DHX29: variants seen among roughly 807,000 people sequenced by gnomAD.
The protein encoded by DHX29 is ATP-dependent RNA helicase DHX29.
In DHX29, 79 loss-of-function variants were observed where a neutral mutation model predicts 167.9. That is an observed-to-expected ratio of 0.47 (90% confidence interval 0.39 to 0.57). DHX29 has a LOEUF of 0.57. Ranked by LOEUF, DHX29 falls within the 20% of genes least tolerant of loss-of-function variation. The pLI, the probability that DHX29 is intolerant of heterozygous loss-of-function variation, is 0.00. For synonymous variants in DHX29, 530 were observed against 546.0 expected (o/e 0.97, Z 0.41); for missense variants, 1,347 against 1,593.4 (o/e 0.85, Z 2.63).
At chr5:55,301,530 A>C (rs1186766862) in intron 1 of DHX29, among the ~76,000 whole-genome samples, 5 of 151,888 alleles carry the variant, frequency 3.3e-5, no homozygotes, top group Non-Finnish European at 7.4e-5. Context: ...CCTGACCAAC[A>C]TGGAGAAACC....
rs1747913165 is a variant in DHX29 at position 55,289,337 on chromosome 5, T to A, written c.999A>T (p.Thr333=). 6.2e-7 allele frequency: 1 copy of A among 1,601,482 alleles called. No homozygotes were observed. The highest frequency in any genetic ancestry group is 8.5e-7 in the Non-Finnish European group (1 of 1,175,978). Residue 333 remains threonine, a synonymous_variant, in exon 8 of 27, where the codon ACA becomes ACT. Coordinates refer to ENST00000251636, the MANE Select transcript of DHX29 (RefSeq NM_019030.4). ...QNERKKPPVA[T]EGESALNFNL... is the part of the protein sequence containing the mutation. ...TAAAATTCAATGCACTTTCTCCTTC[T>A]GTGGCTACAGGAGGCTTTTTCCTTT...
At chr5:55,305,239 T>A (rs1462780229) in intron 1 of DHX29, among the ~76,000 whole-genome samples, 2 of 152,222 alleles carry the variant, frequency 1.3e-5, no homozygotes, top group Non-Finnish European at 2.9e-5. Flanking sequence ...ATACGTCAGT[T>A]GTGAATAGCA....
chr5:55,299,142 C>T lies in DHX29; in HGVS notation c.188-478G>A, dbSNP rs929859471. Among the ~76,000 whole-genome samples the T allele has an allele frequency of 4.6e-5, 7 of 151,928 alleles. No individual in the cohort carries two copies. The East Asian group carries it at 1.3e-3, about 29-fold the overall frequency. On this transcript the variant is annotated intron_variant, in intron 1 of 26. Coordinates refer to ENST00000251636, the MANE Select transcript of DHX29 (RefSeq NM_019030.4). ...ACTCAATCTAGTAGCTAGCAATATC[C>T]TCTCTAAATTTTCAACATTTTACCA...
intron 24 of DHX29, among the ~76,000 whole-genome samples, chr5:55,261,821 A>AT (rs1427092721): frequency 2.6e-5 from 4 of 152,164 alleles, no homozygotes; most frequent in Non-Finnish European, 4.4e-5. Flanking sequence ...TAAAATTATG[A>AT]TTTTCAGTTG....
chr5:55,289,037 G>A lies in DHX29; in HGVS notation c.1066+233C>T, dbSNP rs1747894241. On this transcript the variant is annotated intron_variant, in intron 8 of 26. Coordinates refer to ENST00000251636, the MANE Select transcript of DHX29 (RefSeq NM_019030.4). Reference sequence around the variant, plus strand: ...AGAAAGATAACTCTGGCAGCAGTCTGGAGATGAATCAGAGAGAGATGAGAC... The same window carrying A: ...AGAAAGATAACTCTGGCAGCAGTCTAGAGATGAATCAGAGAGAGATGAGAC... Among the ~76,000 whole-genome samples, 4 of 152,282 alleles carry A rather than the reference G, an allele frequency of 2.6e-5. No individual in the cohort carries two copies. In the South Asian group the frequency reaches 8.3e-4, roughly 32 times the overall value.
intron 7 of DHX29, 140 bp from the exon 8 acceptor site, chr5:55,289,568 G>T: frequency 1.6e-6 from 1 of 614,420 alleles, no homozygotes; most frequent in Non-Finnish European, 2.4e-6. Context: ...AAAAAAAACT[G>T]CATTCCTTCT....
chr5:55,284,303 A>G (rs1391821267), intron 10 of DHX29, among the ~76,000 whole-genome samples: 1 of 152,236 alleles, frequency 6.6e-6, no homozygotes, highest in East Asian at 1.9e-4. Context: ...ATGAACCACA[A>G]AGCAGTTCTT....
intron 20 of DHX29, 145 bp from the exon 21 acceptor site, chr5:55,269,782 T>C: frequency 1.6e-6 from 1 of 634,930 alleles, no homozygotes; most frequent in Non-Finnish European, 2.7e-6. Flanking sequence ...TGTTATTTTT[T>C]TTATAATGGG....
chr5:55,306,979 T>A (rs1748900386), intron 1 of DHX29, among the ~76,000 whole-genome samples: 1 of 152,166 alleles, frequency 6.6e-6, no homozygotes, highest in South Asian at 2.1e-4. Context: ...AGATTGTTGC[T>A]GAAAATGATA....
At chr5:55,262,564 T>C in intron 24 of DHX29, 66 bp downstream of exon 24, 1 of 1,555,820 alleles carries the variant, frequency 6.4e-7, no homozygotes, top group Non-Finnish European at 8.7e-7. Flanking sequence ...TAGGGCATCC[T>C]AACTTGTTAT....
Position 55,269,404 on chromosome 5 carries a change from T to C in DHX29, c.3294+9A>G. On this transcript the variant is annotated intron_variant, in intron 21 of 26. Transcript: ENST00000251636. The stretch of plus-strand genomic sequence containing the variant: ...TAAAGTAAAGAAGCAGCAGCATTGT[T>C]TGACTTACCACTGGGTCAAGGCAGC... The C allele has an allele frequency of 6.2e-7, 1 of 1,611,514 alleles. No individual in the cohort carries two copies. The highest frequency in any genetic ancestry group is 8.5e-7 in the Non-Finnish European group (1 of 1,179,240).
chr5:55,274,685 A>T lies in DHX29; in HGVS notation c.2619T>A (p.Phe873Leu). Residue 873 changes from phenylalanine (F) to leucine (L), a missense_variant, in exon 16 of 27, where the codon TTT becomes TTA. Coordinates refer to ENST00000251636, the MANE Select transcript of DHX29 (RefSeq NM_019030.4). Reference sequence around the variant, plus strand: ...GCTGAATATGAGCAAGTCCTGGTAAAAAGATCAATACTGCTCCTTCAATAT... The same window carrying T: ...GCTGAATATGAGCAAGTCCTGGTAATAAGATCAATACTGCTCCTTCAATAT... ...FRNIEGAVLI[F>L]LPGLAHIQQL... is the part of the protein sequence containing the mutation. The T allele has an allele frequency of 6.2e-7, 1 of 1,604,326 alleles. No homozygotes were observed.
intron 11 of DHX29, 68 bp from the exon 12 acceptor site, chr5:55,281,583 G>A (rs1747416610): frequency 8.1e-7 from 1 of 1,233,086 alleles, no homozygotes; most frequent in East Asian, 2.7e-5. Context: ...TTTAAAAAGT[G>A]AAGCAGAGGT....
At position 55,267,750 on chromosome 5, in the gene DHX29, G is replaced by C. The variant is rs765184974; in HGVS notation, c.3367C>G (p.Leu1123Val). ...TPIGRKDEADLAKSALAMADS... is the reference protein window; with the variant it reads ...TPIGRKDEADVAKSALAMADS... ...GCCATGGCCAAAGCTGATTTTGCAA[G>C]ATCTGCTTCATCTTTTCGACCAATT... The change falls in exon 22 of 27, where the codon CTT becomes GTT. Residue 1123 changes from leucine (L) to valine (V), a missense_variant. Physicochemically the swap from Leu to Val is conservative, Grantham distance 32 (BLOSUM62 1). Around this residue, in one of 3 missense-constraint regions of DHX29, gnomAD observed 882 missense variants for 1,082.4 expected, o/e 0.81. Coordinates refer to ENST00000251636, the MANE Select transcript of DHX29 (RefSeq NM_019030.4). 1.2e-6 allele frequency: 2 copies of C among 1,609,988 alleles called. No individual in the cohort carries two copies. The highest frequency in any genetic ancestry group is 3.3e-5 in the Admixed American group (2 of 59,774).
chr5:55,303,285 A>C (rs1748698677), intron 1 of DHX29, among the ~76,000 whole-genome samples: 1 of 152,218 alleles, frequency 6.6e-6, no homozygotes, highest in South Asian at 2.1e-4. Flanking sequence ...CAGTGTGTAC[A>C]TCTGCAGAAT....
chr5:55,270,350 AT>A, intron 20 of DHX29, 61 bp downstream of exon 20: 15 of 1,498,306 alleles, frequency 1.0e-5, no homozygotes, highest in Admixed American at 2.5e-5. Context: ...TTAGGTGTTC[AT>A]TTTTTTTCTT....
At chr5:55,286,477 T>TAA (rs1268738314) in intron 8 of DHX29, among the ~76,000 whole-genome samples, 1 of 152,234 alleles carries the variant, frequency 6.6e-6, no homozygotes, top group Non-Finnish European at 1.5e-5. Flanking sequence ...ACTCTGTAGT[T>TAA]AAACCATTAA....
chr5:55,263,144 G>A (rs897669), intron 23 of DHX29, among the ~76,000 whole-genome samples: 9,184 of 151,876 alleles, frequency 0.06, 487 homozygotes, highest in Admixed American at 0.12. Flanking sequence ...AAGACTTCAG[G>A]TGCCTCAAAA....
In DHX29 at chr5:55,267,831, A is replaced by C; in HGVS notation, c.3295-9T>G. On this transcript the variant is annotated splice_polypyrimidine_tract_variant and intron_variant, in intron 21 of 26. Transcript: ENST00000251636. ...ACTGCAGCTAGTGTTGCCTATCCAT[A>C]AATCATAAATGACAAAACAATTTAT... 2 of 1,587,222 alleles carry C rather than the reference A, an allele frequency of 1.3e-6. No individual in the cohort carries two copies. Among genetic ancestry groups the C allele is most frequent in the South Asian group, 1.2e-5 (1 of 85,846 alleles).
Sources: gnomAD v4.1 joint callset for allele counts (sites outside exome capture counted in the v4.1 genomes callset) on GRCh38, gnomAD v4.1.1 for gene constraint, gnomAD v4.1.1 regional missense constraint, MANE v1.5 for transcripts, NCBI Gene and HGNC (gene_info 2026-07-23, HGNC 2026-07-21) for gene names.